The following EDIL3 variants were observed in gnomAD, a reference collection of about 807,000 sequenced individuals.
EDIL3 encodes the protein EGF-like repeat and discoidin I-like domain-containing protein 3.
In EDIL3, 37 loss-of-function variants were observed where a neutral mutation model predicts 67.4. That is an observed-to-expected ratio of 0.55 (90% confidence interval 0.42 to 0.72). The LOEUF is 0.72. Among genes scored for constraint, EDIL3 ranks in the 30% least tolerant of loss-of-function variants. The pLI, the probability that EDIL3 is intolerant of heterozygous loss-of-function variation, is 0.00. For synonymous variants in EDIL3, 195 were observed against 196.3 expected (o/e 0.99, Z 0.05); for missense variants, 527 against 586.3 (o/e 0.90, Z 1.04).
chr5:84,248,428 C>T (rs1744953753), intron 2 of EDIL3, among the ~76,000 whole-genome samples: 1 of 152,160 alleles, frequency 6.6e-6, no homozygotes, highest in African/African-American at 2.4e-5. Flanking sequence ...ACTTTCTCTG[C>T]CTATCACTTA....
chr5:84,384,497 T>A lies in EDIL3; in HGVS notation c.-123A>T. ...TACTAAAGAATTCAAGAAGACGTTC[T>A]CTTTCCTCAGCGCTTTGTTAAACAA... On this transcript the variant is annotated 5_prime_UTR_variant, in exon 1 of 11. Transcript: ENST00000296591. The A allele has an allele frequency of 1.1e-6, 1 of 901,424 alleles. No individual in the cohort carries two copies. Among genetic ancestry groups the A allele is most frequent in the South Asian group, 1.6e-5 (1 of 64,224 alleles). The allele number at this position is 901,424 out of a possible 1,614,324, so 55.8% of individuals were successfully genotyped here.
At chr5:83,978,299 GA>G (rs1438567066) in intron 9 of EDIL3, among the ~76,000 whole-genome samples, 2 of 151,858 alleles carry the variant, frequency 1.3e-5, no homozygotes, top group Admixed American at 6.6e-5. Context: ...CATCTACACA[GA>G]GATTGAAGTC....
At chr5:84,377,169 A>G (rs1747984086) in intron 1 of EDIL3, among the ~76,000 whole-genome samples, 1 of 152,090 alleles carries the variant, frequency 6.6e-6, no homozygotes, top group Non-Finnish European at 1.5e-5. Context: ...TACTAAAAAT[A>G]CAGAAAAATT....
Position 84,279,824 on chromosome 5 carries a change from C to A in EDIL3, c.68-25612G>T, listed in dbSNP as rs567676286. Among the ~76,000 whole-genome samples, 3 of 152,250 alleles carry A rather than the reference C, an allele frequency of 2.0e-5. No homozygotes were observed. In the East Asian group the frequency reaches 5.8e-4, roughly 29 times the overall value. On this transcript the variant is annotated intron_variant, in intron 1 of 10. Transcript: ENST00000296591. ...CCAAAATTGTTTGATCATTTTACTG[C>A]TGCACATTCTCTCCAGACACCCAGG... is the stretch of plus-strand genomic sequence containing the variant.
chr5:84,343,210 T>A (rs909483268), intron 1 of EDIL3, among the ~76,000 whole-genome samples: 2 of 152,056 alleles, frequency 1.3e-5, no homozygotes, highest in Non-Finnish European at 2.9e-5. Flanking sequence ...TAGCTGCTAA[T>A]ACCTTTTTTT....
At chr5:84,157,162 T>C (rs914141451) in intron 4 of EDIL3, among the ~76,000 whole-genome samples, 8 of 152,114 alleles carry the variant, frequency 5.3e-5, no homozygotes, top group East Asian at 1.9e-4. Flanking sequence ...AGAATCTCTA[T>C]ACAACCTTTT....
At chr5:84,211,281 G>A (rs1038387976) in intron 3 of EDIL3, among the ~76,000 whole-genome samples, 1 of 152,068 alleles carries the variant, frequency 6.6e-6, no homozygotes, top group African/African-American at 2.4e-5. Flanking sequence ...GTTGAAAAGA[G>A]ACTAGCACCT....
intron 1 of EDIL3, among the ~76,000 whole-genome samples, chr5:84,262,233 A>G (rs1369740771): frequency 6.6e-6 from 1 of 152,192 alleles, no homozygotes; most frequent in African/African-American, 2.4e-5. Flanking sequence ...CAGTTAAATC[A>G]GAATCTCTGG....
intron 9 of EDIL3, among the ~76,000 whole-genome samples, chr5:83,977,114 G>A (rs547012306): frequency 4.0e-5 from 6 of 151,850 alleles, no homozygotes; most frequent in African/African-American, 1.4e-4. Context: ...GGAGTAAGAT[G>A]TTTTTGGTTG....
intron 3 of EDIL3, among the ~76,000 whole-genome samples, chr5:84,217,281 A>G (rs1199676679): frequency 1.3e-5 from 2 of 152,198 alleles, no homozygotes; most frequent in Non-Finnish European, 2.9e-5. Context: ...AAACATTGGA[A>G]ATAATGTTCA....
chr5:84,218,860 C>T (rs776835413), intron 3 of EDIL3, among the ~76,000 whole-genome samples: 2 of 152,128 alleles, frequency 1.3e-5, no homozygotes, highest in Admixed American at 6.5e-5. Flanking sequence ...GTGGGAAGGA[C>T]TTTGTCTTGT....
At chr5:84,279,158 G>A (rs552159104) in intron 1 of EDIL3, among the ~76,000 whole-genome samples, 4 of 151,996 alleles carry the variant, frequency 2.6e-5, no homozygotes, top group Admixed American at 1.3e-4. Flanking sequence ...TTTCATGAAA[G>A]AAAATTTATT....
chr5:83,962,497 T>C (rs564191184), intron 10 of EDIL3, among the ~76,000 whole-genome samples: 1 of 151,604 alleles, frequency 6.6e-6, no homozygotes, highest in East Asian at 1.9e-4. Flanking sequence ...CAATAGATAC[T>C]ATGAAAAGAT....
chr5:84,296,551 T>A (rs192791257), intron 1 of EDIL3, among the ~76,000 whole-genome samples: 1 of 152,222 alleles, frequency 6.6e-6, no homozygotes, highest in Admixed American at 6.5e-5. Flanking sequence ...GTATACAAGT[T>A]ATTCTTTATG....
chr5:84,338,966 G>T (rs1747042470), intron 1 of EDIL3, among the ~76,000 whole-genome samples: 1 of 151,826 alleles, frequency 6.6e-6, no homozygotes, highest in Admixed American at 6.6e-5. Flanking sequence ...TGCAAATAAT[G>T]TAAATAGATC....
chr5:84,160,838 T>C (rs1359611538), intron 4 of EDIL3, among the ~76,000 whole-genome samples: 2 of 146,830 alleles, frequency 1.4e-5, no homozygotes, highest in African/African-American at 2.5e-5. Context: ...TTTCCTTTCC[T>C]TTTCCTTTCC....
intron 9 of EDIL3, among the ~76,000 whole-genome samples, chr5:84,045,721 A>G (rs779299150): frequency 1.3e-5 from 2 of 152,204 alleles, no homozygotes; most frequent in Non-Finnish European, 2.9e-5. Context: ...AAAACGAACA[A>G]AGACATTAGA....
chr5:83,977,986 C>A (rs1337967200), intron 9 of EDIL3, among the ~76,000 whole-genome samples: 1 of 151,752 alleles, frequency 6.6e-6, no homozygotes, highest in African/African-American at 2.4e-5. Context: ...GTTCCAACAA[C>A]CTCTTGTCTT....
intron 9 of EDIL3, among the ~76,000 whole-genome samples, chr5:83,991,864 T>C (rs904967487): frequency 2.6e-5 from 4 of 152,126 alleles, no homozygotes; most frequent in African/African-American, 9.7e-5. Context: ...TGGCAGAATG[T>C]GAATATACTC....
Sources: allele counts gnomAD v4.1 joint callset (sites outside exome capture counted in the v4.1 genomes callset), GRCh38; gene constraint gnomAD v4.1.1; transcripts MANE v1.5; gene names NCBI Gene and HGNC (gene_info 2026-07-23, HGNC 2026-07-21).